The following RIC3 variants were observed in gnomAD, a reference collection of about 807,000 sequenced individuals.
RIC3 encodes RIC3 acetylcholine receptor chaperone.
RIC3 carries 28 observed loss-of-function variants against 27.3 expected under a neutral mutation model. The ratio of observed to expected loss-of-function variants is 1.02; its 90% CI spans 0.76 to 1.41. The LOEUF (loss-of-function observed/expected upper bound fraction) is 1.41. RIC3 is among the 40% of genes most tolerant of loss of function. RIC3 has a pLI of 0.00. For synonymous variants in RIC3, 184 were observed against 160.4 expected (o/e 1.15, Z -1.11); for missense variants, 501 against 444.7 (o/e 1.13, Z -1.14).
chr11:8,168,796 C>T (rs529214984), intron 1 of RIC3, 70 bp downstream of exon 1: 178 of 1,548,160 alleles, frequency 1.1e-4, no homozygotes, highest in Non-Finnish European at 1.5e-4. Context: ...TCAGAGTCAC[C>T]CCTCCCTCAA....
chr11:8,145,200 A>AT (rs1554967002), intron 1 of RIC3, among the ~76,000 whole-genome samples: 2 of 108,750 alleles, frequency 1.8e-5, no homozygotes, highest in African/African-American at 1.1e-4. Context: ...TTAAAAAAAA[A>AT]TTAAAAAAAA....
At chr11:8,095,282 T>C in the RIC3 span, among the ~76,000 whole-genome samples, 1 of 152,310 alleles carries the variant, frequency 6.6e-6, no homozygotes, top group East Asian at 1.9e-4. Context: ...GCAATTAATT[T>C]GGGGGAAGAG....
At chr11:8,099,784 G>A in the RIC3 span, among the ~76,000 whole-genome samples, 1 of 152,038 alleles carries the variant, frequency 6.6e-6, no homozygotes, top group East Asian at 1.9e-4. Flanking sequence ...GGTAGCTCTT[G>A]AGTAAAGACC....
intron 4 of RIC3, among the ~76,000 whole-genome samples, chr11:8,133,950 C>T (rs1304748258): frequency 6.6e-6 from 1 of 151,754 alleles, no homozygotes; most frequent in Non-Finnish European, 1.5e-5. Flanking sequence ...AAGTGAGGGG[C>T]CCTGCCCACA....
At chr11:8,105,756 A>C (rs188273931), downstream of RIC3, 15 of 152,286 alleles carry the variant, frequency 9.8e-5, no homozygotes, top group Admixed American at 8.5e-4. Flanking sequence ...TTTCCTAAGA[A>C]AGACATCACA....
chr11:8,134,691 A>G (rs1221571747), intron 4 of RIC3, among the ~76,000 whole-genome samples: 1 of 152,108 alleles, frequency 6.6e-6, no homozygotes, highest in African/African-American at 2.4e-5. Context: ...CGCCATTCTA[A>G]CTGGTGTGAG....
At chr11:8,136,219 G>C (rs1590212356) in intron 4 of RIC3, among the ~76,000 whole-genome samples, 1 of 152,304 alleles carries the variant, frequency 6.6e-6, no homozygotes, top group East Asian at 1.9e-4. Context: ...TCCAGCCAAA[G>C]ACAGGCAAGG....
chr11:8,157,669 A>G (rs1357205435), intron 1 of RIC3, among the ~76,000 whole-genome samples: 1 of 152,186 alleles, frequency 6.6e-6, no homozygotes, highest in Non-Finnish European at 1.5e-5. Flanking sequence ...ATTTGGATGA[A>G]TTATACTGGG....
the RIC3 span, among the ~76,000 whole-genome samples, chr11:8,099,878 T>C: frequency 1.8e-3 from 277 of 152,204 alleles, 1 homozygote; most frequent in Non-Finnish European, 2.5e-3. Flanking sequence ...GAAGAAGGAA[T>C]GGAGTGGATA....
At chr11:8,126,383 G>A (rs1411921632) in intron 5 of RIC3, among the ~76,000 whole-genome samples, 1 of 152,114 alleles carries the variant, frequency 6.6e-6, no homozygotes, top group Non-Finnish European at 1.5e-5. Context: ...CAAAACTAAA[G>A]GCACAGAAAG....
rs768399391 is a variant in RIC3, at chr11:8,150,662, G to A, written c.125-10469C>T. 6.6e-5 allele frequency among the ~76,000 whole-genome samples: 10 copies of A among 152,286 alleles called. No individual in the cohort carries two copies. In the East Asian group the frequency reaches 7.7e-4, roughly 12 times the overall value. Reference sequence around the variant, plus strand: ...AAAAAGAGAAAGAAAAGAAAAATGCGCTAGCCAAAGATGACTAGAAACAAA... The same window carrying A: ...AAAAAGAGAAAGAAAAGAAAAATGCACTAGCCAAAGATGACTAGAAACAAA... On this transcript the variant is annotated intron_variant, in intron 1 of 5. Transcript: ENST00000309737.
intron 4 of RIC3, 73 bp from the exon 5 acceptor site, chr11:8,126,880 T>G (rs758820178): frequency 1.3e-6 from 2 of 1,565,270 alleles, no homozygotes; most frequent in Middle Eastern, 1.7e-4. Flanking sequence ...ATCACTATGG[T>G]CTGTCTGGGT....
At chr11:8,166,099 T>G (rs1288016223) in intron 1 of RIC3, among the ~76,000 whole-genome samples, 1 of 152,206 alleles carries the variant, frequency 6.6e-6, no homozygotes. Flanking sequence ...TATGAAACCC[T>G]TCTTAAGTCC....
At chr11:8,129,045 C>CAT (rs1947354433) in intron 4 of RIC3, among the ~76,000 whole-genome samples, 1 of 151,964 alleles carries the variant, frequency 6.6e-6, no homozygotes, top group Non-Finnish European at 1.5e-5. Context: ...TGAGCCACAG[C>CAT]GCCCGGCCAA....
chr11:8,101,466 G>A (rs201501899), downstream of RIC3: 261 of 1,611,038 alleles, frequency 1.6e-4, 1 homozygote, highest in Middle Eastern at 1.7e-3. Context: ...TTCTCTGTCT[G>A]TGCCTGTGCT....
chr11:8,119,986 T>C (rs1490970419), intron 5 of RIC3, among the ~76,000 whole-genome samples: 1 of 152,112 alleles, frequency 6.6e-6, no homozygotes, highest in African/African-American at 2.4e-5. Flanking sequence ...AAAACCACAA[T>C]GAGATACCAT....
At chr11:8,127,408 C>A (rs1018022303) in intron 4 of RIC3, among the ~76,000 whole-genome samples, 6 of 152,162 alleles carry the variant, frequency 3.9e-5, no homozygotes, top group African/African-American at 1.4e-4. Flanking sequence ...TTTATATATT[C>A]ATACTGCCAC....
chr11:8,155,943 G>A (rs1289348228), intron 1 of RIC3, among the ~76,000 whole-genome samples: 1 of 152,086 alleles, frequency 6.6e-6, no homozygotes, highest in Non-Finnish European at 1.5e-5. Context: ...TCTCCTCCAA[G>A]GGCCCTATCT....
At chr11:8,115,262 GA>G (rs1271419204) in intron 5 of RIC3, among the ~76,000 whole-genome samples, 1 of 149,566 alleles carries the variant, frequency 6.7e-6, no homozygotes, top group Non-Finnish European at 1.5e-5. Context: ...TTAAAGGCCA[GA>G]AAAGAGTGGG....
Sources: gnomAD v4.1 joint callset for allele counts (sites outside exome capture counted in the v4.1 genomes callset) on GRCh38, gnomAD v4.1.1 for gene constraint, MANE v1.5 for transcripts, NCBI Gene and HGNC (gene_info 2026-07-23, HGNC 2026-07-21) for gene names.